Variants in OPCML observed in about 807,000 individuals in gnomAD.
The protein encoded by OPCML is opioid-binding protein/cell adhesion molecule.
OPCML carries 13 observed loss-of-function variants against 37.8 expected under a neutral mutation model. The observed-to-expected ratio is 0.34, with a 90% CI of 0.22 to 0.55. The LOEUF is 0.55. OPCML is among the 20% of genes least tolerant of loss of function. The pLI, the probability that OPCML is intolerant of heterozygous loss-of-function variation, is 0.91. For synonymous variants in OPCML, 176 were observed against 168.8 expected (o/e 1.04, Z -0.33); for missense variants, 341 against 435.6 (o/e 0.78, Z 1.93).
intron 2 of OPCML, among the ~76,000 whole-genome samples, chr11:132,854,441 C>T (rs1941963409): frequency 6.6e-6 from 1 of 152,156 alleles, no homozygotes; most frequent in Non-Finnish European, 1.5e-5. Flanking sequence ...TCTCCCCTCC[C>T]TCCAGGTTGG....
At chr11:132,683,312 A>C (rs1943031929) in intron 2 of OPCML, among the ~76,000 whole-genome samples, 1 of 152,086 alleles carries the variant, frequency 6.6e-6, no homozygotes, top group African/African-American at 2.4e-5. Context: ...AGGTAGGAGG[A>C]TTGTTTGAGC....
chr11:132,539,962 A>T (rs989257700), intron 3 of OPCML, among the ~76,000 whole-genome samples: 2 of 152,010 alleles, frequency 1.3e-5, no homozygotes, highest in Non-Finnish European at 2.9e-5. Flanking sequence ...GATGATGATG[A>T]TGATGATAAT....
chr11:132,436,811 G>A (rs2096014715), intron 5 of OPCML, 32 bp from the exon 6 acceptor site: 2 of 1,606,798 alleles, frequency 1.2e-6, no homozygotes, highest in Middle Eastern at 1.7e-4. Context: ...ACATGCACAG[G>A]CATGCACGCA....
intron 1 of OPCML, among the ~76,000 whole-genome samples, chr11:133,440,762 TTA>T (rs58808691): frequency 0.1 from 13,286 of 126,782 alleles, 3,010 homozygotes; most frequent in African/African-American, 0.43. Context: ...CCTACAGCAA[TTA>T]TATATATATA....
intron 2 of OPCML, among the ~76,000 whole-genome samples, chr11:132,682,970 A>C (rs758361860): frequency 1.3e-5 from 2 of 152,230 alleles, no homozygotes; most frequent in Non-Finnish European, 2.9e-5. Flanking sequence ...ATTCAAGGCC[A>C]GTCAGAAGAA....
chr11:132,709,206 C>T (rs114425786), intron 2 of OPCML, among the ~76,000 whole-genome samples: 2,486 of 152,212 alleles, frequency 0.016, 51 homozygotes, highest in Middle Eastern at 0.041. Flanking sequence ...CAGCATACTG[C>T]GTGGTTTGTG....
chr11:133,251,900 G>T (rs1418875096), intron 1 of OPCML, among the ~76,000 whole-genome samples: 1 of 152,186 alleles, frequency 6.6e-6, no homozygotes, highest in Admixed American at 6.5e-5. Flanking sequence ...TTCAGGCAGT[G>T]CAAAATGCTG....
intron 1 of OPCML, among the ~76,000 whole-genome samples, chr11:133,147,602 G>C (rs1380001344): frequency 6.6e-6 from 1 of 152,150 alleles, no homozygotes; most frequent in Non-Finnish European, 1.5e-5. Flanking sequence ...AATTAAACCA[G>C]GTAATACACA....
At chr11:132,949,382 C>G (rs991524144) in intron 1 of OPCML, among the ~76,000 whole-genome samples, 5 of 152,182 alleles carry the variant, frequency 3.3e-5, no homozygotes, top group Non-Finnish European at 7.3e-5. Flanking sequence ...ATGGTGCACA[C>G]AACTCAGGAA....
At chr11:132,924,258 G>A (rs188944499) in intron 2 of OPCML, among the ~76,000 whole-genome samples, 41 of 152,132 alleles carry the variant, frequency 2.7e-4, no homozygotes, top group African/African-American at 9.4e-4. Flanking sequence ...GATGGAGTGG[G>A]GTGCGGCATT....
At chr11:133,399,236 G>C (rs888694617) in intron 1 of OPCML, among the ~76,000 whole-genome samples, 5 of 152,088 alleles carry the variant, frequency 3.3e-5, no homozygotes, top group Non-Finnish European at 7.4e-5. Flanking sequence ...TTTTTGGCAG[G>C]GACTAGCTCA....
intron 1 of OPCML, among the ~76,000 whole-genome samples, chr11:133,470,328 A>C (rs1947075798): frequency 6.6e-6 from 1 of 152,234 alleles, no homozygotes; most frequent in Admixed American, 6.5e-5. Flanking sequence ...CTAAGACTGC[A>C]CTAATGAGTC....
chr11:133,294,815 C>CT (rs59382534), intron 1 of OPCML, among the ~76,000 whole-genome samples: 4,258 of 56,006 alleles, frequency 0.076, 324 homozygotes, highest in African/African-American at 0.18. Context: ...TTCTTTCTTT[C>CT]TTTTTTTTTT....
intron 1 of OPCML, among the ~76,000 whole-genome samples, chr11:133,022,389 A>G (rs902597966): frequency 3.3e-5 from 5 of 152,168 alleles, no homozygotes; most frequent in Non-Finnish European, 7.3e-5. Flanking sequence ...TAGATATACA[A>G]CTGCAGTTTC....
intron 4 of OPCML, among the ~76,000 whole-genome samples, chr11:132,482,597 G>A (rs972180426): frequency 3.3e-5 from 5 of 152,178 alleles, no homozygotes; most frequent in African/African-American, 1.2e-4. Flanking sequence ...TGATACCAAA[G>A]CTGGGCAGAG....
At chr11:132,937,598 GTGTGTGTGTGT>G (rs1565353456) in intron 2 of OPCML, among the ~76,000 whole-genome samples, 2,204 of 87,690 alleles carry the variant, frequency 0.025, 60 homozygotes, top group African/African-American at 0.1. Flanking sequence ...TGTGTGGGGT[GTGTGTGTGTGT>G]GTGTGTGTGT....
At chr11:133,418,004 A>C in intron 1 of OPCML, 1 of 923,892 alleles carries the variant, frequency 1.1e-6, no homozygotes, top group South Asian at 5.0e-5. Flanking sequence ...AGACGTAGGC[A>C]ATTTCCTCTG....
chr11:133,396,102 T>C (rs182015433), intron 1 of OPCML, among the ~76,000 whole-genome samples: 137 of 152,304 alleles, frequency 9.0e-4, no homozygotes, highest in African/African-American at 3.2e-3. Flanking sequence ...CTTTCACTTC[T>C]TTGGTTAATT....
At chr11:133,499,027 T>C (rs1009305686) in intron 1 of OPCML, among the ~76,000 whole-genome samples, 4 of 152,194 alleles carry the variant, frequency 2.6e-5, no homozygotes, top group African/African-American at 9.6e-5. Flanking sequence ...GCCTGGAAGC[T>C]ACAGGGCCAG....
Sources: gnomAD v4.1 joint callset for allele counts (sites outside exome capture counted in the v4.1 genomes callset) on GRCh38, gnomAD v4.1.1 for gene constraint, MANE v1.5 for transcripts, NCBI Gene and HGNC (gene_info 2026-07-23, HGNC 2026-07-21) for gene names.